Variants in COBL observed in about 807,000 individuals in gnomAD.
COBL encodes the protein cordon-bleu WH2 repeat protein.
COBL carries 51 observed loss-of-function variants against 98.8 expected under a neutral mutation model. That is an observed-to-expected ratio of 0.52 (90% confidence interval 0.41 to 0.65). The LOEUF (loss-of-function observed/expected upper bound fraction) is 0.65. Among genes scored for constraint, COBL ranks in the 30% least tolerant of loss-of-function variants. The pLI, the probability that COBL is intolerant of heterozygous loss-of-function variation, is 0.00. For synonymous variants in COBL, 634 were observed against 651.7 expected (o/e 0.97, Z 0.41); for missense variants, 1,617 against 1,617.5 (o/e 1.00, Z 0.01).
chr7:51,139,701 T>C (rs1180578071), intron 5 of COBL, among the ~76,000 whole-genome samples: 28 of 152,254 alleles, frequency 1.8e-4, no homozygotes, highest in Admixed American at 1.8e-3. Flanking sequence ...TTCTATCTTC[T>C]TTCCCTACTT....
chr7:51,118,921 C>T (rs1296634024), intron 6 of COBL, among the ~76,000 whole-genome samples: 2 of 152,200 alleles, frequency 1.3e-5, no homozygotes, highest in African/African-American at 4.8e-5. Context: ...GTCCAGCTTT[C>T]CTGCAGCCAT....
At chr7:51,208,354 C>G (rs564655308) in intron 2 of COBL, among the ~76,000 whole-genome samples, 10 of 151,330 alleles carry the variant, frequency 6.6e-5, no homozygotes, top group East Asian at 2.0e-4. Context: ...GTCAGCCCCC[C>G]GCCAGGCCAG....
intron 1 of COBL, among the ~76,000 whole-genome samples, chr7:51,315,683 C>G (rs1317537625): frequency 6.6e-6 from 1 of 152,254 alleles, no homozygotes; most frequent in Non-Finnish European, 1.5e-5. Context: ...GGACTGCGCG[C>G]TACCCCGCGG....
chr7:51,154,715 G>A (rs933570284), intron 5 of COBL, among the ~76,000 whole-genome samples: 1 of 152,138 alleles, frequency 6.6e-6, no homozygotes. Flanking sequence ...AGAGGAATGG[G>A]CATGGGCAAT....
At chr7:51,295,112 C>T (rs536682464) in intron 1 of COBL, among the ~76,000 whole-genome samples, 1 of 152,092 alleles carries the variant, frequency 6.6e-6, no homozygotes, top group South Asian at 2.1e-4. Flanking sequence ...CGTGTTGAAA[C>T]CCCATCTCTA....
intron 5 of COBL, among the ~76,000 whole-genome samples, chr7:51,161,108 T>C (rs147187265): frequency 2.7e-4 from 41 of 152,140 alleles, no homozygotes; most frequent in Non-Finnish European, 4.6e-4. Context: ...CGGAACACAT[T>C]TTCCTGTTCT....
chr7:51,109,518 C>G (rs2128974918), intron 6 of COBL, among the ~76,000 whole-genome samples: 1 of 152,198 alleles, frequency 6.6e-6, no homozygotes, highest in East Asian at 1.9e-4. Flanking sequence ...TCCCTCCTTG[C>G]CCCCCACCCC....
At chr7:51,238,576 G>T (rs1205062312) in intron 1 of COBL, among the ~76,000 whole-genome samples, 3 of 152,194 alleles carry the variant, frequency 2.0e-5, no homozygotes, top group African/African-American at 7.2e-5. Context: ...TTGAATAGGG[G>T]ATGGGTAAAA....
intron 6 of COBL, among the ~76,000 whole-genome samples, chr7:51,108,948 ACACACACACC>A (rs778085063): frequency 0.18 from 11,275 of 61,832 alleles, 625 homozygotes; most frequent in South Asian, 0.27. Context: ...ACACACACAC[ACACACACACC>A]CCCTGCCCCA....
chr7:51,163,216 C>A (rs527706259), intron 5 of COBL, among the ~76,000 whole-genome samples: 91 of 152,316 alleles, frequency 6.0e-4, no homozygotes, highest in African/African-American at 2.0e-3. Context: ...AATGTGCAGA[C>A]TAGGATCAAT....
intron 6 of COBL, among the ~76,000 whole-genome samples, chr7:51,135,023 C>CAA (rs1554401390): frequency 4.6e-5 from 7 of 151,942 alleles, no homozygotes; most frequent in Non-Finnish European, 1.0e-4. Flanking sequence ...AGTGCAGTGG[C>CAA]GTGATCTTGG....
At chr7:51,078,406 A>G (rs1793298130) in intron 7 of COBL, among the ~76,000 whole-genome samples, 1 of 152,174 alleles carries the variant, frequency 6.6e-6, no homozygotes, top group Non-Finnish European at 1.5e-5. Flanking sequence ...GATGATACAG[A>G]GAAGAATTAG....
At chr7:51,203,804 A>G (rs1297147379) in intron 2 of COBL, among the ~76,000 whole-genome samples, 1 of 152,176 alleles carries the variant, frequency 6.6e-6, no homozygotes. Flanking sequence ...CAGTCAAGGA[A>G]TAATTGATAC....
At chr7:51,073,261 A>G in intron 7 of COBL, 2 of 608,078 alleles carry the variant, frequency 3.3e-6, no homozygotes, top group Non-Finnish European at 6.0e-6. Context: ...TTATCCTGAA[A>G]GGAGGAAGAA....
At chr7:51,306,418 G>A (rs929786440) in intron 1 of COBL, among the ~76,000 whole-genome samples, 64 of 152,226 alleles carry the variant, frequency 4.2e-4, no homozygotes, top group African/African-American at 1.4e-3. Context: ...TTGTGGGTCT[G>A]GGTTCTGTGT....
At chr7:51,206,567 T>C (rs1791742280) in intron 2 of COBL, among the ~76,000 whole-genome samples, 1 of 151,886 alleles carries the variant, frequency 6.6e-6, no homozygotes, top group Admixed American at 6.6e-5. Flanking sequence ...ATTGCAGCGC[T>C]ATTCGCAGTA....
intron 5 of COBL, among the ~76,000 whole-genome samples, chr7:51,155,776 A>T (rs1786067056): frequency 6.6e-6 from 1 of 152,090 alleles, no homozygotes. Flanking sequence ...GAAAAACGTT[A>T]TCTGCTCAGG....
rs1358795589 is a variant in COBL at position 51,260,015 on chromosome 7, G to A, written c.42-40071C>T. 1.4e-5 allele frequency: 11 copies of A among 768,966 alleles called. No individual in the cohort carries two copies. In the Admixed American group the frequency reaches 2.0e-4, roughly 14 times the overall value. 47.6% of individuals were successfully genotyped at this position (768,966 alleles called of 1,614,324 possible). Reference sequence around the variant, plus strand: ...CAGGAATCATATAGGAATGATTCCAGTCGTTTAACTTGAGCCCTTTTCCTT... The same window carrying A: ...CAGGAATCATATAGGAATGATTCCAATCGTTTAACTTGAGCCCTTTTCCTT... On this transcript the variant is annotated intron_variant, in intron 1 of 12. Coordinates refer to ENST00000265136, the MANE Select transcript of COBL (RefSeq NM_015198.5).
At chr7:51,254,071 GTTTTT>G (rs35571345) in intron 1 of COBL, among the ~76,000 whole-genome samples, 1 of 147,344 alleles carries the variant, frequency 6.8e-6, no homozygotes, top group South Asian at 2.2e-4. Flanking sequence ...TTTTTGAGTT[GTTTTT>G]TTTTTGTCAA....
Sources: allele counts gnomAD v4.1 joint callset (sites outside exome capture counted in the v4.1 genomes callset), GRCh38; gene constraint gnomAD v4.1.1; transcripts MANE v1.5; gene names NCBI Gene and HGNC (gene_info 2026-07-23, HGNC 2026-07-21).